ATXN2L: variants seen among roughly 807,000 people sequenced by gnomAD.
ATXN2L encodes the protein ataxin 2 like.
A neutral mutation model predicts 120.7 loss-of-function variants in ATXN2L; 24 were observed. The observed-to-expected ratio is 0.20, with a 90% CI of 0.14 to 0.28. The LOEUF (loss-of-function observed/expected upper bound fraction) is 0.28. Ranked by LOEUF, ATXN2L falls within the 10% of genes least tolerant of loss-of-function variation. The pLI is 1.00. For missense variants in ATXN2L, 1,312 were observed against 1,432.3 expected (o/e 0.92, Z 1.36); for synonymous variants, 653 against 568.1 (o/e 1.15, Z -2.13).
At chr16:28,834,260 T>C in intron 16 of ATXN2L, 49 bp downstream of exon 16, 5 of 1,610,422 alleles carry the variant, frequency 3.1e-6, no homozygotes, top group Non-Finnish European at 3.4e-6. Context: ...TGGGATTTGG[T>C]TGCGCTGGTT....
chr16:28,829,855 C>T lies in ATXN2L; in HGVS notation c.834-3C>T. 1 of 1,614,114 alleles carries T rather than the reference C, an allele frequency of 6.2e-7. No homozygotes were observed. The highest frequency in any genetic ancestry group is 8.5e-7 in the Non-Finnish European group (1 of 1,179,950). ...TGGTGGTGGTCTGTGGGTGCTGTCTCAGGGTGCCCTTAGAAAAGGACAACT... is the reference window on the plus strand; with the variant it reads ...TGGTGGTGGTCTGTGGGTGCTGTCTTAGGGTGCCCTTAGAAAAGGACAACT... On this transcript the variant is annotated splice_polypyrimidine_tract_variant and splice_region_variant and intron_variant, in intron 7 of 21. Transcript: ENST00000336783.
intron 5 of ATXN2L, 104 bp from the exon 6 acceptor site, chr16:28,826,758 T>C: frequency 7.3e-7 from 1 of 1,376,034 alleles, no homozygotes; most frequent in Non-Finnish European, 9.6e-7. Context: ...CTGGACTTCT[T>C]AAACTTTGTT....
rs1295136034 is a variant in ATXN2L, at chr16:28,835,053, G to A, written c.2434-5G>A. The A allele has an allele frequency of 6.8e-6, 11 of 1,607,496 alleles. No individual in the cohort carries two copies. The highest frequency in any genetic ancestry group is 1.7e-4 in the Middle Eastern group (1 of 6,030). On this transcript the variant is annotated splice_region_variant and splice_polypyrimidine_tract_variant and intron_variant, in intron 18 of 21. Coordinates refer to ENST00000336783, the MANE Select transcript of ATXN2L (RefSeq NM_007245.4). The stretch of plus-strand genomic sequence containing the variant: ...TGCCAACCACTCCTCTCTCTGTCCC[G>A]CCAGCCGGTGTTTGCCCCCATGCTT...
intron 10 of ATXN2L, among the ~76,000 whole-genome samples, chr16:28,831,862 G>A (rs2054585252): frequency 6.6e-6 from 1 of 152,162 alleles, no homozygotes; most frequent in Admixed American, 6.5e-5. Context: ...TCCAGTCTGG[G>A]GAACAGAGCG....
At chr16:28,833,852 G>T in intron 15 of ATXN2L, 5 of 684,858 alleles carry the variant, frequency 7.3e-6, no homozygotes, top group Non-Finnish European at 1.2e-5. Flanking sequence ...TATTTGGAAG[G>T]TTTGTGATCT....
chr16:28,833,369 G>A lies in ATXN2L; in HGVS notation c.1955+15G>A. ...CCTGTTGCTGAGTGAGTGGAGCGGG[G>A]TGGGGCTCTGGGAGGATGGCAGGAG... On this transcript the variant is annotated intron_variant, in intron 14 of 21. Transcript: ENST00000336783. 1 of 1,613,686 alleles carries A rather than the reference G, an allele frequency of 6.2e-7. No individual in the cohort carries two copies. The highest frequency in any genetic ancestry group is 8.5e-7 in the Non-Finnish European group (1 of 1,179,638).
chr16:28,833,878 T>C, intron 15 of ATXN2L, 187 bp from the exon 16 acceptor site: 2 of 756,370 alleles, frequency 2.6e-6, no homozygotes, highest in Non-Finnish European at 4.2e-6. Flanking sequence ...GTCACTTACA[T>C]TCTCTGCCTC....
chr16:28,836,562 T>C lies in ATXN2L; in HGVS notation c.*297T>C. Reference sequence around the variant, plus strand: ...GGGCACATGAGTGAGGGCTCTGGCTTACTGGGAAACAGCGATTGACCTGTG... The same window carrying C: ...GGGCACATGAGTGAGGGCTCTGGCTCACTGGGAAACAGCGATTGACCTGTG... On this transcript the variant is annotated 3_prime_UTR_variant, in exon 22 of 22. Transcript: ENST00000336783. 1 of 1,571,236 alleles carries C rather than the reference T, an allele frequency of 6.4e-7. No homozygotes were observed. Among genetic ancestry groups the C allele is most frequent in the East Asian group, 2.3e-5 (1 of 43,908 alleles).
intron 1 of ATXN2L, chr16:28,824,409 G>A: frequency 7.8e-7 from 1 of 1,278,984 alleles, no homozygotes; most frequent in Non-Finnish European, 1.0e-6. Flanking sequence ...CAGACCGGGC[G>A]AGGCCTCCCG....
chr16:28,826,049 CTT>C, intron 4 of ATXN2L, 189 bp from the exon 5 acceptor site: 5 of 837,094 alleles, frequency 6.0e-6, no homozygotes, highest in Non-Finnish European at 9.1e-6. Context: ...TTTTGTGAGA[CTT>C]TTGCTAAGTC....
Position 28,834,928 on chromosome 16 carries a change from A to G in ATXN2L, c.2434-130A>G, listed in dbSNP as rs1003526926. ...GAGAAAATAGTGTCTGCTGGGTGGG[A>G]TCGTTATGAATGTTGAATCAATAGG... is the stretch of plus-strand genomic sequence containing the variant. On this transcript the variant is annotated intron_variant, in intron 18 of 21. Coordinates refer to ENST00000336783, the MANE Select transcript of ATXN2L (RefSeq NM_007245.4). 6.9e-6 allele frequency: 9 copies of G among 1,297,258 alleles called. No homozygotes were observed. In the Admixed American group the frequency reaches 2.2e-4, roughly 32 times the overall value. The allele number at this position is 1,297,258 out of a possible 1,614,324, so 80.4% of individuals were successfully genotyped here.
Position 28,827,039 on chromosome 16 carries a change from T to TGG in ATXN2L, c.741+54_741+55insGG, listed in dbSNP as rs2052343836. ...GAGCTGGACAGACAGAATGGGTTGT[T>TGG]GACAGTGAGGTTCATTTGAGTGGGG... On this transcript the variant is annotated intron_variant, in intron 6 of 21. Transcript: ENST00000336783. The TGG allele has an allele frequency of 2.2e-6, 3 of 1,369,176 alleles. No homozygotes were observed. In the East Asian group the frequency reaches 7.9e-5, roughly 36 times the overall value. 84.8% of individuals were successfully genotyped at this position (1,369,176 alleles called of 1,614,324 possible). A position where few individuals can be genotyped will look rare whatever the true frequency, so the allele number is the denominator to read the frequency against.
rs766975906 is a variant in ATXN2L at position 28,834,192 on chromosome 16, A to G, written c.2153A>G (p.His718Arg). 9.9e-6 allele frequency: 16 copies of G among 1,614,056 alleles called. No homozygotes were observed. The highest frequency in any genetic ancestry group is 1.4e-5 in the Non-Finnish European group (16 of 1,179,968). ...PQYISYIPQIHMGPAVQAPQM... is the reference protein window; with the variant it reads ...PQYISYIPQIRMGPAVQAPQM... The stretch of plus-strand genomic sequence containing the variant: ...TACATCTCCTACATACCTCAGATCC[A>G]CATGGGACCAGCTGTGCAGGTATGC... The change falls in exon 16 of 22, where the codon CAC (histidine) becomes CGC (arginine). Residue 718 changes from histidine (H) to arginine (R), a missense_variant. His to Arg is a conservative substitution (Grantham distance 29). Coordinates refer to ENST00000336783, the MANE Select transcript of ATXN2L (RefSeq NM_007245.4).
chr16:28,834,915 T>C (rs1959624050), intron 18 of ATXN2L, 143 bp from the exon 19 acceptor site: 1 of 1,237,672 alleles, frequency 8.1e-7, no homozygotes. Flanking sequence ...GAAAATAGTG[T>C]CTGCTGGGTG....
intron 10 of ATXN2L, among the ~76,000 whole-genome samples, chr16:28,831,485 G>A (rs1053990863): frequency 2.0e-5 from 3 of 151,942 alleles, no homozygotes; most frequent in East Asian, 1.9e-4. Flanking sequence ...CCACCACCAC[G>A]GCTGGCTAAT....
At chr16:28,832,439 G>A in intron 11 of ATXN2L, 40 bp downstream of exon 11, 1 of 1,612,036 alleles carries the variant, frequency 6.2e-7, no homozygotes, top group African/African-American at 1.3e-5. Context: ...TGCATATTTA[G>A]TGTGATTTGT....
chr16:28,829,983 G>C lies in ATXN2L; in HGVS notation c.959G>C (p.Gly320Ala). The C allele has an allele frequency of 6.2e-7, 1 of 1,614,212 alleles. No homozygotes were observed. The highest frequency in any genetic ancestry group is 8.5e-7 in the Non-Finnish European group (1 of 1,180,038). ...CGGATCGCCATGGAGAACGACGATG[G>C]GCGCACTGAAGAGGAGAAGCACAGT... ...RLRIAMENDD[G>A]RTEEEKHSAV... Residue 320 changes from glycine to alanine, a missense_variant, in exon 8 of 22, where the codon GGG becomes GCG. By Grantham distance (60) the Gly-to-Ala change is moderately conservative. Transcript: ENST00000336783.
rs1205491405 is a variant in ATXN2L at position 28,830,888 on chromosome 16, G to T, written c.1211-74G>T. The T allele has an allele frequency of 4.0e-6, 6 of 1,491,940 alleles. No individual in the cohort carries two copies. The African/African-American group carries it at 5.7e-5, about 14-fold the overall frequency. The allele number at this position is 1,491,940 out of a possible 1,614,324, so 92.4% of individuals were successfully genotyped here. On this transcript the variant is annotated intron_variant, in intron 9 of 21. Transcript: ENST00000336783. Reference sequence around the variant, plus strand: ...GGTTTGGGTGTGTTGGAATGACGCTGCATCGGTGGGAATGTAATAGGTCGT... The same window carrying T: ...GGTTTGGGTGTGTTGGAATGACGCTTCATCGGTGGGAATGTAATAGGTCGT...
intron 8 of ATXN2L, 119 bp downstream of exon 8, chr16:28,830,177 G>A: frequency 2.0e-6 from 2 of 1,005,438 alleles, no homozygotes; most frequent in Non-Finnish European, 2.8e-6. Flanking sequence ...TCATACACAG[G>A]TTTAGGAGGT....
Sources: gnomAD v4.1 joint callset for allele counts (sites outside exome capture counted in the v4.1 genomes callset) on GRCh38, gnomAD v4.1.1 for gene constraint, MANE v1.5 for transcripts, NCBI Gene and HGNC (gene_info 2026-07-23, HGNC 2026-07-21) for gene names.